NUP98: variants seen among roughly 807,000 people sequenced by gnomAD.
NUP98 encodes the protein nuclear pore complex protein Nup98-Nup96.
A neutral mutation model predicts 191.9 loss-of-function variants in NUP98; 26 were observed. The ratio of observed to expected loss-of-function variants is 0.14; its 90% confidence interval spans 0.10 to 0.19. The LOEUF is 0.19. Ranked by LOEUF, NUP98 falls within the 10% of genes least tolerant of loss-of-function variation. The pLI, the probability that NUP98 is intolerant of heterozygous loss-of-function variation, is 1.00. For missense variants in NUP98, 1,941 were observed against 2,178.8 expected, an observed-to-expected ratio of 0.89 and a Z score of 2.17; for synonymous variants, 808 against 778.4, an observed-to-expected ratio of 1.04 and a Z score of -0.63.
intron 5 of NUP98, among the ~76,000 whole-genome samples, chr11:3,775,231 T>C (rs1294461839): frequency 6.6e-6 from 1 of 152,116 alleles, no homozygotes; most frequent in African/African-American, 2.4e-5. Context: ...TTTATTCCCA[T>C]AAAGATTAGT....
chr11:3,706,404 G>A, intron 21 of NUP98, 41 bp downstream of exon 21: 1 of 1,585,730 alleles, frequency 6.3e-7, no homozygotes, highest in Non-Finnish European at 8.7e-7. Context: ...TAAAATATTA[G>A]TTTGGCTTTC....
In NUP98 at chr11:3,712,593, G is replaced by C; in HGVS notation, c.2713C>G (p.Leu905Val). ...GGTGGAGGTGCAGGTTTGCCATTAA[G>C]AGCCATCTGCAAGGGCGTAGTCTGG... ...ASQTTPLQMA[L>V]NGKPAPPPQS... Residue 905 changes from leucine to valine, a missense_variant, in exon 20 of 33, where the codon CTT (leucine) becomes GTT (valine). By Grantham distance (32) the Leu-to-Val change is conservative. Coordinates refer to ENST00000324932, the MANE Select transcript of NUP98 (RefSeq NM_016320.5). 2 of 1,614,052 alleles carry C rather than the reference G, an allele frequency of 1.2e-6. No individual in the cohort carries two copies. Among genetic ancestry groups the C allele is most frequent in the Non-Finnish European group, 1.7e-6 (2 of 1,179,976 alleles).
At chr11:3,778,387 GTCA>G (rs2081831015) in intron 4 of NUP98, among the ~76,000 whole-genome samples, 1 of 152,216 alleles carries the variant, frequency 6.6e-6, no homozygotes, top group South Asian at 2.1e-4. Flanking sequence ...AGTGAAAAAA[GTCA>G]TCAACTAAAA....
Position 3,719,773 on chromosome 11 carries a change from C to CT in NUP98, c.2261-224dup, listed in dbSNP as rs775212402. On this transcript the variant is annotated intron_variant, in intron 17 of 32. Coordinates refer to ENST00000324932, the MANE Select transcript of NUP98 (RefSeq NM_016320.5). ...CTGCATTTTTCTTTTCTTTTCTTTTCTTTTTTTTTTTGGCAAGGTCTTGTT... is the reference window on the plus strand; with the variant it reads ...CTGCATTTTTCTTTTCTTTTCTTTTCTTTTTTTTTTTTGGCAAGGTCTTGTT... 3.7e-3 allele frequency among the ~76,000 whole-genome samples: 528 copies of CT among 143,422 alleles called. 2 individuals are homozygous for CT. Among genetic ancestry groups the CT allele is most frequent in the African/African-American group, 8.5e-3 (326 of 38,350 alleles). 94.1% of individuals were successfully genotyped at this position (143,422 alleles called of 152,430 possible).
intron 8 of NUP98, among the ~76,000 whole-genome samples, chr11:3,767,188 C>T (rs1183827962): frequency 6.6e-6 from 1 of 151,870 alleles, no homozygotes; most frequent in Non-Finnish European, 1.5e-5. Context: ...GTCTCGAACT[C>T]CTGACCTCAT....
chr11:3,706,549 C>T lies in NUP98; in HGVS notation c.2821G>A (p.Val941Ile), dbSNP rs933323357. The T allele has an allele frequency of 6.2e-7, 1 of 1,614,164 alleles. No individual in the cohort carries two copies. The highest frequency in any genetic ancestry group is 1.7e-5 in the Admixed American group (1 of 60,018). ...CTCTCTTCTAACATGGTATCCAAAA[C>T]TGGCTCCTGGGTGATATCTACCATG... is the stretch of plus-strand genomic sequence containing the variant. Reference protein sequence around the residue: ...SDMVDITQEPVLDTMLEESMP... With the variant: ...SDMVDITQEPILDTMLEESMP... Residue 941 changes from valine (V) to isoleucine (I), a missense_variant, in exon 21 of 33, where the codon GTT (valine) becomes ATT (isoleucine). Val to Ile is a conservative substitution (Grantham distance 29). Transcript: ENST00000324932.
At chr11:3,724,460 A>G (rs1378718956) in intron 15 of NUP98, among the ~76,000 whole-genome samples, 1 of 149,952 alleles carries the variant, frequency 6.7e-6, no homozygotes, top group Non-Finnish European at 1.5e-5. Context: ...AAATAAATAA[A>G]TTTCTGATAT....
chr11:3,759,951 C>T (rs535240558), intron 10 of NUP98, among the ~76,000 whole-genome samples: 19 of 151,982 alleles, frequency 1.3e-4, no homozygotes, highest in Admixed American at 8.5e-4. Context: ...CTAAGTGATA[C>T]TCCTGACTCA....
intron 19 of NUP98, 138 bp downstream of exon 19, chr11:3,713,680 T>C (rs1479313315): frequency 7.5e-6 from 6 of 803,310 alleles, no homozygotes; most frequent in Admixed American, 6.0e-5. Flanking sequence ...GATCCCACCA[T>C]TGTACTCCAG....
At chr11:3,780,554 AAAAAAAAAG>A (rs1478643238) in intron 2 of NUP98, among the ~76,000 whole-genome samples, 3 of 146,046 alleles carry the variant, frequency 2.1e-5, no homozygotes, top group Admixed American at 6.7e-5. Context: ...AAAAAAAAAA[AAAAAAAAAG>A]AAAAAGAAAA....
intron 18 of NUP98, among the ~76,000 whole-genome samples, chr11:3,716,713 T>C (rs1434894533): frequency 1.3e-5 from 2 of 152,018 alleles, no homozygotes; most frequent in African/African-American, 4.8e-5. Context: ...ATCTCAAAAA[T>C]CATTCGACTA....
intron 28 of NUP98, among the ~76,000 whole-genome samples, chr11:3,690,555 C>T (rs1401915469): frequency 3.9e-5 from 6 of 152,094 alleles, no homozygotes; most frequent in African/African-American, 7.2e-5. Context: ...CCACCGCACC[C>T]GGCCGCCTGC....
intron 22 of NUP98, among the ~76,000 whole-genome samples, chr11:3,704,464 G>C (rs1381733628): frequency 1.3e-5 from 2 of 152,318 alleles, no homozygotes; most frequent in East Asian, 3.9e-4. Flanking sequence ...GATGTGCTCT[G>C]TGCATTACGA....
At chr11:3,749,179 G>A (rs1355773136) in intron 11 of NUP98, among the ~76,000 whole-genome samples, 1 of 151,508 alleles carries the variant, frequency 6.6e-6, no homozygotes, top group African/African-American at 2.4e-5. Flanking sequence ...GCGGTGGCGG[G>A]CGCCTATAGT....
At chr11:3,698,862 T>C (rs1374701892) in intron 25 of NUP98, 1 of 565,972 alleles carries the variant, frequency 1.8e-6, no homozygotes, top group Non-Finnish European at 3.1e-6. Context: ...CTATGTCTTC[T>C]AATTCTCTGT....
At chr11:3,754,304 T>C (rs1304980941) in intron 10 of NUP98, among the ~76,000 whole-genome samples, 1 of 152,174 alleles carries the variant, frequency 6.6e-6, no homozygotes. Context: ...CGCATGCCTA[T>C]AAACCCAGCT....
Position 3,760,570 on chromosome 11 carries a change from A to T in NUP98, c.1143T>A (p.Pro381=). 2 of 1,614,038 alleles carry T rather than the reference A, an allele frequency of 1.2e-6. No homozygotes were observed. The highest frequency in any genetic ancestry group is 1.7e-5 in the Admixed American group (1 of 60,006). The change falls in exon 10 of 33, where the codon CCT becomes CCA. Residue 381 remains proline (P), a synonymous_variant. Transcript: ENST00000324932. ...GCCCGCCACTGGTTGTACCAAATGAAGGTGCACTGGTTGTGCTGCTTCCAA... is the reference window on the plus strand; with the variant it reads ...GCCCGCCACTGGTTGTACCAAATGATGGTGCACTGGTTGTGCTGCTTCCAA... ...TTFGSSTTSA[P]SFGTTSGGLF... is the part of the protein sequence containing the mutation.
intron 14 of NUP98, among the ~76,000 whole-genome samples, chr11:3,726,004 G>A (rs185751986): frequency 1.6e-3 from 245 of 152,226 alleles, no homozygotes; most frequent in African/African-American, 5.1e-3. Context: ...GTTGAAACAA[G>A]GTTTCGCCAG....
chr11:3,782,191 G>T, intron 1 of NUP98, 46 bp from the exon 2 acceptor site: 2 of 1,003,340 alleles, frequency 2.0e-6, no homozygotes, highest in Non-Finnish European at 3.0e-6. Flanking sequence ...CCACAAAATG[G>T]AATATAATTG....
Sources: allele counts gnomAD v4.1 joint callset (sites outside exome capture counted in the v4.1 genomes callset), GRCh38; gene constraint gnomAD v4.1.1; transcripts MANE v1.5; gene names NCBI Gene and HGNC (gene_info 2026-07-23, HGNC 2026-07-21).